Variants in ADAMTS12 observed in about 807,000 individuals in gnomAD.
ADAMTS12 encodes ADAM metallopeptidase with thrombospondin type 1 motif 12, also known as A disintegrin and metalloproteinase with thrombospondin motifs 12.
In ADAMTS12, 118 loss-of-function variants were observed where a neutral mutation model predicts 167.8. The observed-to-expected ratio is 0.70, with a 90% CI of 0.61 to 0.82. The LOEUF is 0.82. Among genes scored for constraint, ADAMTS12 ranks in the 40% least tolerant of loss-of-function variants. ADAMTS12 has a pLI of 0.00. For synonymous variants in ADAMTS12, 704 were observed against 716.9 expected (o/e 0.98, Z 0.29); for missense variants, 1,916 against 1,998.8 (o/e 0.96, Z 0.79).
intron 22 of ADAMTS12, among the ~76,000 whole-genome samples, chr5:33,536,946 G>C (rs1356558457): frequency 6.6e-6 from 1 of 152,218 alleles, no homozygotes; most frequent in Non-Finnish European, 1.5e-5. Flanking sequence ...AGAGCTCTGA[G>C]ATATTTATAA....
chr5:33,671,809 C>A (rs928184171), intron 5 of ADAMTS12, among the ~76,000 whole-genome samples: 1 of 149,762 alleles, frequency 6.7e-6, no homozygotes, highest in African/African-American at 2.5e-5. Flanking sequence ...CACACACATC[C>A]ATATACTCAC....
At chr5:33,770,929 A>C (rs1289348677) in intron 2 of ADAMTS12, among the ~76,000 whole-genome samples, 1 of 151,886 alleles carries the variant, frequency 6.6e-6, no homozygotes, top group Non-Finnish European at 1.5e-5. Context: ...GACCTCAAGC[A>C]GTCCTCCTTT....
At chr5:33,709,977 G>A (rs116389950) in intron 3 of ADAMTS12, among the ~76,000 whole-genome samples, 4,723 of 152,170 alleles carry the variant, frequency 0.031, 103 homozygotes, top group Non-Finnish European at 0.048. Flanking sequence ...CCAAGTGTAC[G>A]AGATTCTAAT....
At chr5:33,758,834 T>C (rs1745252229) in intron 2 of ADAMTS12, among the ~76,000 whole-genome samples, 1 of 152,196 alleles carries the variant, frequency 6.6e-6, no homozygotes, top group Non-Finnish European at 1.5e-5. Flanking sequence ...GCACTATATA[T>C]GTCAGTTCCA....
chr5:33,552,886 C>T (rs1169458513), intron 20 of ADAMTS12, among the ~76,000 whole-genome samples: 1 of 152,098 alleles, frequency 6.6e-6, no homozygotes, highest in Non-Finnish European at 1.5e-5. Context: ...AGCTCCTGTA[C>T]AGCAAAAGAA....
At chr5:33,839,182 A>G (rs191824794) in intron 2 of ADAMTS12, among the ~76,000 whole-genome samples, 35 of 152,360 alleles carry the variant, frequency 2.3e-4, no homozygotes, top group East Asian at 1.5e-3. Flanking sequence ...TGTGACTTTT[A>G]GAAAGGCACT....
rs1561209835 is a variant in ADAMTS12, at chr5:33,678,297, C to T, written c.915+4721G>A. Reference sequence around the variant, plus strand: ...TGACAGACTGCTGGCCTCATTTGCACACTTTCTCCTATTTAGTATTTGAAC... The same window carrying T: ...TGACAGACTGCTGGCCTCATTTGCATACTTTCTCCTATTTAGTATTTGAAC... On this transcript the variant is annotated intron_variant, in intron 5 of 23. Transcript: ENST00000504830. Among the ~76,000 whole-genome samples the T allele has an allele frequency of 3.3e-5, 5 of 152,230 alleles. No homozygotes were observed. In the South Asian group the frequency reaches 1.0e-3, roughly 32 times the overall value.
intron 2 of ADAMTS12, among the ~76,000 whole-genome samples, chr5:33,832,485 C>T (rs911384381): frequency 4.6e-5 from 7 of 152,156 alleles, no homozygotes; most frequent in African/African-American, 1.7e-4. Context: ...TTGGAATAGT[C>T]TCAAGCACAA....
chr5:33,657,613 C>A (rs548652011), intron 7 of ADAMTS12, among the ~76,000 whole-genome samples: 1 of 152,216 alleles, frequency 6.6e-6, no homozygotes, highest in African/African-American at 2.4e-5. Context: ...ACAACTTGGA[C>A]ATCCAGTTAA....
At chr5:33,731,968 T>C (rs543537916) in intron 3 of ADAMTS12, among the ~76,000 whole-genome samples, 1 of 152,018 alleles carries the variant, frequency 6.6e-6, no homozygotes, top group Non-Finnish European at 1.5e-5. Context: ...TAATCTCATG[T>C]TCCACCTCTG....
At chr5:33,613,172 C>T (rs917858483) in intron 16 of ADAMTS12, among the ~76,000 whole-genome samples, 8 of 152,126 alleles carry the variant, frequency 5.3e-5, no homozygotes, top group African/African-American at 1.9e-4. Context: ...CTGCAGCTGT[C>T]CTAGTTTTGC....
rs138703073 is a variant in ADAMTS12 at position 33,534,948 on chromosome 5, T to C, written c.4491A>G (p.Gln1497=). 686 of 1,613,716 alleles carry C rather than the reference T, an allele frequency of 4.3e-4. 5 individuals carry two copies. Among genetic ancestry groups the C allele is most frequent in the South Asian group, 2.0e-4 (18 of 90,980 alleles). ...CGGGFQKRTV[Q]CVPSEGNKTE... ...TTTTATTGCCCTCTGAGGGCACACA[T>C]TGGACAGTCCTCTTCTGAAAGCCAC... is the stretch of plus-strand genomic sequence containing the variant. The change falls in exon 23 of 24, where the codon CAA becomes CAG. Residue 1497 remains glutamine (Q), a synonymous_variant. Coordinates refer to ENST00000504830, the MANE Select transcript of ADAMTS12 (RefSeq NM_030955.4).
intron 20 of ADAMTS12, among the ~76,000 whole-genome samples, chr5:33,558,782 G>A (rs1396712688): frequency 2.0e-5 from 3 of 152,234 alleles, no homozygotes; most frequent in Non-Finnish European, 4.4e-5. Context: ...GGCAAGCTCA[G>A]GGATATGAGA....
At chr5:33,761,188 C>T (rs1745343200) in intron 2 of ADAMTS12, among the ~76,000 whole-genome samples, 1 of 152,214 alleles carries the variant, frequency 6.6e-6, no homozygotes, top group Non-Finnish European at 1.5e-5. Flanking sequence ...AAACCAGAAA[C>T]CATCCTTCAC....
At chr5:33,591,926 A>G (rs1250972625) in intron 17 of ADAMTS12, among the ~76,000 whole-genome samples, 1 of 152,086 alleles carries the variant, frequency 6.6e-6, no homozygotes, top group Admixed American at 6.6e-5. Context: ...ACAAAAAACT[A>G]TCCAGCCCAG....
At chr5:33,715,576 A>C (rs1420566446) in intron 3 of ADAMTS12, among the ~76,000 whole-genome samples, 1 of 152,146 alleles carries the variant, frequency 6.6e-6, no homozygotes, top group Non-Finnish European at 1.5e-5. Context: ...ATTCTTTACA[A>C]ACTCTTCAGA....
intron 22 of ADAMTS12, among the ~76,000 whole-genome samples, chr5:33,544,194 C>G (rs1744847231): frequency 6.6e-6 from 1 of 152,172 alleles, no homozygotes; most frequent in South Asian, 2.1e-4. Context: ...GTGCAAAAAT[C>G]ACAAGCATTC....
chr5:33,758,133 C>T (rs372494422), intron 2 of ADAMTS12, among the ~76,000 whole-genome samples: 5 of 152,118 alleles, frequency 3.3e-5, no homozygotes, highest in African/African-American at 9.7e-5. Context: ...ATAGTAAGTG[C>T]CCGATAAGCA....
chr5:33,724,317 C>T (rs1235399160), intron 3 of ADAMTS12, among the ~76,000 whole-genome samples: 3 of 152,150 alleles, frequency 2.0e-5, no homozygotes, highest in African/African-American at 4.8e-5. Flanking sequence ...GGACCCCACA[C>T]AGTCATCCCC....
Sources: allele counts gnomAD v4.1 joint callset (sites outside exome capture counted in the v4.1 genomes callset), GRCh38; gene constraint gnomAD v4.1.1; transcripts MANE v1.5; gene names NCBI Gene and HGNC (gene_info 2026-07-23, HGNC 2026-07-21).